The following BICC1 variants were observed in gnomAD, a reference collection of about 807,000 sequenced individuals.
The protein encoded by BICC1 is protein bicaudal C homolog 1.
A neutral mutation model predicts 111.0 loss-of-function variants in BICC1; 43 were observed. The ratio of observed to expected loss-of-function variants is 0.39; its 90% CI spans 0.30 to 0.50. The LOEUF (loss-of-function observed/expected upper bound fraction) is 0.50. BICC1 is among the 20% of genes least tolerant of loss of function. The probability of loss-of-function intolerance (pLI) is 0.88; values close to 1 mark genes in which losing one functional copy is unlikely to be tolerated. For missense variants in BICC1, 1,091 were observed against 1,203.2 expected (o/e 0.91, Z 1.38); for synonymous variants, 467 against 434.4 (o/e 1.07, Z -0.93).
intron 2 of BICC1, among the ~76,000 whole-genome samples, chr10:58,695,650 C>A (rs989166069): frequency 6.6e-6 from 1 of 152,056 alleles, no homozygotes; most frequent in East Asian, 1.9e-4. Flanking sequence ...ACGTCGGGAG[C>A]GAAGAATTTG....
intron 20 of BICC1, chr10:58,823,497 G>A (rs762362646): frequency 4.3e-5 from 42 of 983,994 alleles, no homozygotes; most frequent in East Asian, 1.1e-4. Context: ...AAACTGTATC[G>A]ATTAGGGTTG....
At chr10:58,815,139 T>C (rs1490417016) in intron 18 of BICC1, among the ~76,000 whole-genome samples, 1 of 152,032 alleles carries the variant, frequency 6.6e-6, no homozygotes, top group Admixed American at 6.5e-5. Context: ...TCCTGAAACA[T>C]GTAGAATATT....
chr10:58,781,040 T>C (rs1332257492), intron 3 of BICC1, among the ~76,000 whole-genome samples: 1 of 152,142 alleles, frequency 6.6e-6, no homozygotes, highest in Non-Finnish European at 1.5e-5. Flanking sequence ...CATATGCATT[T>C]CCATTACAGC....
chr10:58,689,262 G>T (rs905514397), intron 2 of BICC1, among the ~76,000 whole-genome samples: 1 of 152,126 alleles, frequency 6.6e-6, no homozygotes, highest in Admixed American at 6.5e-5. Flanking sequence ...GAGAAAGAGA[G>T]AACTTAGTAA....
intron 2 of BICC1, among the ~76,000 whole-genome samples, chr10:58,670,422 C>T (rs538873800): frequency 5.2e-4 from 79 of 152,252 alleles, no homozygotes; most frequent in African/African-American, 1.9e-3. Context: ...TATCATCCTA[C>T]GCCTTCCAAA....
At chr10:58,810,237 C>T (rs534402595) in intron 17 of BICC1, among the ~76,000 whole-genome samples, 83 of 152,258 alleles carry the variant, frequency 5.5e-4, no homozygotes, top group Non-Finnish European at 9.7e-4. Context: ...ATGTGCAGGG[C>T]CCCTGACACC....
At chr10:58,826,821 G>T (rs1589180128) in intron 20 of BICC1, among the ~76,000 whole-genome samples, 1 of 152,302 alleles carries the variant, frequency 6.6e-6, no homozygotes, top group East Asian at 1.9e-4. Flanking sequence ...TAGGCTGACT[G>T]CTGTTTTGTG....
intron 1 of BICC1, among the ~76,000 whole-genome samples, chr10:58,566,293 TAC>T (rs1554807060): frequency 6.6e-6 from 1 of 150,390 alleles, no homozygotes; most frequent in East Asian, 2.0e-4. Flanking sequence ...TACAAACATG[TAC>T]ACACACACCA....
rs778564334 is a variant in BICC1, at chr10:58,620,889, C to G, written c.225C>G (p.Asp75Glu). The G allele has an allele frequency of 9.9e-6, 16 of 1,613,130 alleles. No individual in the cohort carries two copies. Among genetic ancestry groups the G allele is most frequent in the African/African-American group, 1.3e-5 (1 of 74,862 alleles). The change falls in exon 2 of 21, where the codon GAC (aspartate) becomes GAG (glutamate). Residue 75 changes from aspartate to glutamate, a missense_variant. Asp to Glu is a conservative substitution (Grantham distance 45, BLOSUM62 2). Transcript: ENST00000373886. ...AAEGKGRSGE[D>E]FFQKIMEETN... ...AAGGGAAAGGCAGAAGTGGGGAAGA[C>G]TTTTTTCAAAAGGTAAGTTGTCTTT... is the stretch of plus-strand genomic sequence containing the variant.
intron 2 of BICC1, among the ~76,000 whole-genome samples, chr10:58,671,843 A>G (rs1482562556): frequency 6.6e-6 from 1 of 152,150 alleles, no homozygotes; most frequent in Non-Finnish European, 1.5e-5. Flanking sequence ...CTGTTTCAAA[A>G]TGTAAGAGAT....
At chr10:58,591,458 C>T (rs1325441332) in intron 1 of BICC1, among the ~76,000 whole-genome samples, 1 of 152,124 alleles carries the variant, frequency 6.6e-6, no homozygotes, top group Non-Finnish European at 1.5e-5. Context: ...TGTGCCTTCT[C>T]TGTAACCTCA....
chr10:58,604,957 C>G (rs1193066630), intron 1 of BICC1, among the ~76,000 whole-genome samples: 1 of 152,104 alleles, frequency 6.6e-6, no homozygotes, highest in Admixed American at 6.5e-5. Flanking sequence ...CAAGAGGCAC[C>G]TATCTATGTT....
chr10:58,512,679 C>G (rs1173697518), upstream of BICC1, among the ~76,000 whole-genome samples: 1 of 151,972 alleles, frequency 6.6e-6, no homozygotes, highest in African/African-American at 2.4e-5. Flanking sequence ...AGGATTTATA[C>G]GTGTAAGTGC....
chr10:58,544,570 T>C (rs1438277685), intron 1 of BICC1, among the ~76,000 whole-genome samples: 1 of 152,088 alleles, frequency 6.6e-6, no homozygotes, highest in Non-Finnish European at 1.5e-5. Context: ...GTGTTACGTA[T>C]GTAGAAAGGA....
At chr10:58,532,102 T>G (rs951897354) in intron 1 of BICC1, among the ~76,000 whole-genome samples, 1 of 151,728 alleles carries the variant, frequency 6.6e-6, no homozygotes, top group Admixed American at 6.6e-5. Context: ...ATGATGAAAC[T>G]AAAGAAATTC....
chr10:58,704,733 A>C (rs1403037853), intron 3 of BICC1, among the ~76,000 whole-genome samples: 1 of 152,184 alleles, frequency 6.6e-6, no homozygotes, highest in Non-Finnish European at 1.5e-5. Context: ...ATTACATTCT[A>C]AATCCCATGG....
chr10:58,526,831 T>C (rs1488800482), intron 1 of BICC1, among the ~76,000 whole-genome samples: 3 of 152,254 alleles, frequency 2.0e-5, no homozygotes, highest in Non-Finnish European at 4.4e-5. Flanking sequence ...CTATCATTGA[T>C]GGACATTTGG....
intron 2 of BICC1, among the ~76,000 whole-genome samples, chr10:58,679,841 A>G (rs1839460813): frequency 6.6e-6 from 1 of 152,208 alleles, no homozygotes; most frequent in African/African-American, 2.4e-5. Context: ...ATCCACCATG[A>G]TCATGTTGGC....
rs147079084 is a variant in BICC1 at position 58,714,767 on chromosome 10, C to T, written c.307+12624C>T. On this transcript the variant is annotated intron_variant, in intron 3 of 20. Transcript: ENST00000373886. ...AGTCATGGCATGGCTGGACAGAATT[C>T]AGGGACATCTATCAGGCCTCTCAGG... Among the ~76,000 whole-genome samples the T allele has an allele frequency of 7.9e-4, 120 of 151,686 alleles. 1 individual carries two copies. In the East Asian group the frequency reaches 0.019, roughly 24 times the overall value.
Sources: allele counts gnomAD v4.1 joint callset (sites outside exome capture counted in the v4.1 genomes callset), GRCh38; gene constraint gnomAD v4.1.1; transcripts MANE v1.5; gene names NCBI Gene and HGNC (gene_info 2026-07-23, HGNC 2026-07-21).